Variants in RBFOX1 observed in about 807,000 individuals in gnomAD.
RBFOX1 encodes the protein RNA binding protein fox-1 homolog 1.
A neutral mutation model predicts 57.7 loss-of-function variants in RBFOX1; 8 were observed. The ratio of observed to expected loss-of-function variants is 0.14; its 90% confidence interval spans 0.08 to 0.25. RBFOX1 has a LOEUF of 0.25. Ranked by LOEUF, RBFOX1 falls within the 10% of genes least tolerant of loss-of-function variation. The pLI is 1.00. For missense variants in RBFOX1, 611 were observed against 548.5 expected, an observed-to-expected ratio of 1.11 and a Z score of -1.14; for synonymous variants, 326 against 222.4, an observed-to-expected ratio of 1.47 and a Z score of -4.15.
intron 3 of RBFOX1, among the ~76,000 whole-genome samples, chr16:7,009,566 A>C (rs541220515): frequency 3.3e-5 from 5 of 152,230 alleles, no homozygotes. Flanking sequence ...TAGGAATGAA[A>C]GTGCAGCAGT....
intron 1 of RBFOX1, among the ~76,000 whole-genome samples, chr16:6,103,911 G>A (rs755918066): frequency 6.6e-6 from 1 of 152,184 alleles, no homozygotes; most frequent in African/African-American, 2.4e-5. Context: ...CAATTTGGAA[G>A]AAACTTTTCT....
At position 5,946,238 on chromosome 16, in the gene RBFOX1, G is replaced by A. The variant is rs1352579025; in HGVS notation, c.351+78903G>A. The stretch of plus-strand genomic sequence containing the variant: ...ATTAGATGCCTTCACGTCTCTAAGT[G>A]TCTCTAAGTCTCAGCTTTCTAATCT... On this transcript the variant is annotated intron_variant, in intron 4 of 19. Coordinates refer to the RBFOX1 transcript ENST00000641259. This position sits in a 1 kb window ranked among gnomAD's most constrained non-coding sequence, Gnocchi z 4.6. Among the ~76,000 whole-genome samples, 1 of 152,200 alleles carries A rather than the reference G, an allele frequency of 6.6e-6. No homozygotes were observed. Among genetic ancestry groups the A allele is most frequent in the Non-Finnish European group, 1.5e-5 (1 of 68,050 alleles).
chr16:6,428,989 G>C (rs564567460), intron 2 of RBFOX1, among the ~76,000 whole-genome samples: 3 of 152,288 alleles, frequency 2.0e-5, no homozygotes, highest in East Asian at 1.9e-4. Context: ...GCACAGACTT[G>C]TCTGGGAGGT....
At chr16:5,379,963 A>C (rs769748115) in intron 1 of RBFOX1, among the ~76,000 whole-genome samples, 1 of 152,200 alleles carries the variant, frequency 6.6e-6, no homozygotes, top group Non-Finnish European at 1.5e-5. Flanking sequence ...CATCCCGGGC[A>C]GGTGCCCTTG....
chr16:6,977,549 C>G (rs1425033528), intron 3 of RBFOX1, among the ~76,000 whole-genome samples: 1 of 152,028 alleles, frequency 6.6e-6, no homozygotes, highest in Non-Finnish European at 1.5e-5. Flanking sequence ...GTTCGAAGAC[C>G]TCTGACAATT....
intron 1 of RBFOX1, among the ~76,000 whole-genome samples, chr16:6,135,186 C>T (rs1215354667): frequency 6.6e-6 from 1 of 152,160 alleles, no homozygotes; most frequent in Non-Finnish European, 1.5e-5. Context: ...ACTGGCTAAG[C>T]ATTCAGAAAT....
At chr16:6,754,207 G>T (rs1020034192) in intron 3 of RBFOX1, among the ~76,000 whole-genome samples, 1 of 152,170 alleles carries the variant, frequency 6.6e-6, no homozygotes, top group Non-Finnish European at 1.5e-5. Context: ...AGCTAGGAAA[G>T]TGTCTATGCT....
chr16:6,412,522 G>A (rs1798771114), intron 2 of RBFOX1, among the ~76,000 whole-genome samples: 1 of 152,134 alleles, frequency 6.6e-6, no homozygotes, highest in East Asian at 1.9e-4. Context: ...CTAGATTTGA[G>A]TTATCAAATG....
chr16:5,733,609 C>T (rs1014355201), intron 3 of RBFOX1, among the ~76,000 whole-genome samples: 2 of 152,114 alleles, frequency 1.3e-5, no homozygotes, highest in Non-Finnish European at 2.9e-5. Context: ...CACCTAGTCC[C>T]CAAGGTGCCT....
intron 1 of RBFOX1, among the ~76,000 whole-genome samples, chr16:6,150,550 C>G (rs1003031167): frequency 6.6e-6 from 1 of 152,248 alleles, no homozygotes; most frequent in East Asian, 1.9e-4. Flanking sequence ...CAAATGAATG[C>G]TAGCTCTTGC....
At chr16:6,803,939 A>G (rs974603384) in intron 3 of RBFOX1, among the ~76,000 whole-genome samples, 5 of 151,946 alleles carry the variant, frequency 3.3e-5, no homozygotes, top group Non-Finnish European at 7.4e-5. Context: ...TCTTGTTTAG[A>G]ACCCATAGTT....
chr16:6,595,377 C>T (rs899148071), intron 2 of RBFOX1, among the ~76,000 whole-genome samples: 1 of 152,160 alleles, frequency 6.6e-6, no homozygotes, highest in African/African-American at 2.4e-5. Flanking sequence ...AATGTTGTAC[C>T]ATGTGTCAAT....
intron 4 of RBFOX1, among the ~76,000 whole-genome samples, chr16:7,170,708 T>C (rs1345776913): frequency 6.6e-6 from 1 of 152,216 alleles, no homozygotes; most frequent in Non-Finnish European, 1.5e-5. Context: ...TTCTGCTGTA[T>C]CCTCACATAC....
intron 1 of RBFOX1, among the ~76,000 whole-genome samples, chr16:6,170,410 A>G (rs1039714602): frequency 2.6e-5 from 4 of 152,148 alleles, no homozygotes; most frequent in Non-Finnish European, 4.4e-5. Context: ...TGAATGAGGG[A>G]ATTAATAAAG....
intron 2 of RBFOX1, among the ~76,000 whole-genome samples, chr16:6,572,683 C>G (rs2097361519): frequency 6.6e-6 from 1 of 152,020 alleles, no homozygotes; most frequent in South Asian, 2.1e-4. Context: ...ACCTCTGCCT[C>G]CCGGGCTCAA....
rs146842260 is a variant in RBFOX1, at chr16:5,339,275, C to G, written c.219+99170C>G. Among the ~76,000 whole-genome samples, 910 of 152,090 alleles carry G rather than the reference C, an allele frequency of 6.0e-3. 9 individuals carry two copies. Among genetic ancestry groups the G allele is most frequent in the East Asian group, 0.046 (237 of 5,166 alleles). On this transcript the variant is annotated intron_variant, in intron 1 of 2. Transcript: ENST00000585867. ...CCAGTTTCCCTGAGGTCTGTCTGCC[C>G]CCGCTGCCGCTTGGTTGCATGAGAT...
At chr16:6,624,602 A>T (rs1235993081) in intron 2 of RBFOX1, among the ~76,000 whole-genome samples, 1 of 152,148 alleles carries the variant, frequency 6.6e-6, no homozygotes, top group Non-Finnish European at 1.5e-5. Flanking sequence ...TGTACCCTAA[A>T]AGTAGCCACA....
At chr16:7,343,091 G>A (rs2096928721) in intron 4 of RBFOX1, among the ~76,000 whole-genome samples, 1 of 152,076 alleles carries the variant, frequency 6.6e-6, no homozygotes, top group South Asian at 2.1e-4. Context: ...AGCCTTCTGG[G>A]GACAGACTCT....
intron 3 of RBFOX1, among the ~76,000 whole-genome samples, chr16:5,634,772 T>C (rs754289789): frequency 1.2e-4 from 18 of 152,236 alleles, no homozygotes; most frequent in Non-Finnish European, 2.4e-4. Flanking sequence ...GACTTCCTTC[T>C]GCAGACAGAT....
Sources: gnomAD v4.1 joint callset for allele counts (sites outside exome capture counted in the v4.1 genomes callset) on GRCh38, gnomAD v4.1.1 for gene constraint, Gnocchi (gnomAD v3.1) non-coding constraint, MANE v1.5 for transcripts, NCBI Gene and HGNC (gene_info 2026-07-23, HGNC 2026-07-21) for gene names.